PAXBP1: variants seen among roughly 807,000 people sequenced by gnomAD.
PAXBP1 encodes the protein PAX3 and PAX7 binding protein 1.
In PAXBP1, 44 loss-of-function variants were observed where a neutral mutation model predicts 119.9. That is an observed-to-expected ratio of 0.37 (90% confidence interval 0.29 to 0.47). The LOEUF (loss-of-function observed/expected upper bound fraction) is 0.47. Ranked by LOEUF, PAXBP1 falls within the 20% of genes least tolerant of loss-of-function variation. The pLI is 0.99. For missense variants in PAXBP1, 898 were observed against 1,134.1 expected, an observed-to-expected ratio of 0.79 and a Z score of 2.99; for synonymous variants, 393 against 406.6, an observed-to-expected ratio of 0.97 and a Z score of 0.40.
At position 32,738,288 on chromosome 21, in the gene PAXBP1, A is replaced by G; in HGVS notation, c.2366T>C (p.Ile789Thr). 1 of 1,595,070 alleles carries G rather than the reference A, an allele frequency of 6.3e-7. No homozygotes were observed. Among genetic ancestry groups the G allele is most frequent in the Non-Finnish European group, 8.5e-7 (1 of 1,175,574 alleles). ...LLGNFLQWYG[I>T]FSNKTLQELS... The stretch of plus-strand genomic sequence containing the variant: ...CTCTTGCAGAGTTTTATTTGAGAAA[A>G]TGCCATACCACTGAAGAAAATTGCC... Residue 789 changes from isoleucine to threonine, a missense_variant, in exon 16 of 18, where the codon ATT (isoleucine) becomes ACT (threonine). Physicochemically the swap from Ile to Thr is moderately conservative, Grantham distance 89 (BLOSUM62 -1). This residue lies in a region of PAXBP1 where 599 missense variants were observed against 852.7 expected (regional missense o/e 0.70). Coordinates refer to ENST00000331923, the MANE Select transcript of PAXBP1 (RefSeq NM_016631.4).
chr21:32,742,979 C>T, intron 15 of PAXBP1: 1 of 562,406 alleles, frequency 1.8e-6, no homozygotes, highest in Non-Finnish European at 3.5e-6. Context: ...CTACTGTAGT[C>T]TACTTGCTGA....
At chr21:32,749,135 T>G (rs146190041) in intron 10 of PAXBP1, among the ~76,000 whole-genome samples, 310 of 152,246 alleles carry the variant, frequency 2.0e-3, no homozygotes, top group African/African-American at 7.2e-3. Flanking sequence ...ATAACTGACA[T>G]AGCCAACTAT....
At chr21:32,738,497 A>G (rs533435413) in intron 15 of PAXBP1, among the ~76,000 whole-genome samples, 178 bp from the exon 16 acceptor site, 150 of 152,348 alleles carry the variant, frequency 9.8e-4, no homozygotes, top group Non-Finnish European at 1.9e-3. Flanking sequence ...TGAATATTCA[A>G]TTTTAATTAG....
At chr21:32,739,992 C>T (rs2043757120) in intron 15 of PAXBP1, among the ~76,000 whole-genome samples, 1 of 137,496 alleles carries the variant, frequency 7.3e-6, no homozygotes, top group Non-Finnish European at 1.6e-5. Flanking sequence ...TTACCTTAAA[C>T]CCTTCCATGA....
chr21:32,761,289 G>C, intron 4 of PAXBP1, 127 bp from the exon 5 acceptor site: 1 of 721,360 alleles, frequency 1.4e-6, no homozygotes, highest in Admixed American at 2.3e-5. Context: ...TGTCTAATAT[G>C]ATCTCCTCTC....
At chr21:32,749,344 G>A (rs1395104862) in intron 10 of PAXBP1, among the ~76,000 whole-genome samples, 6 of 151,862 alleles carry the variant, frequency 4.0e-5, no homozygotes, top group African/African-American at 9.7e-5. Flanking sequence ...ACAGGTATGC[G>A]CCACCATGCC....
At chr21:32,747,514 G>T (rs2043892487) in intron 11 of PAXBP1, among the ~76,000 whole-genome samples, 1 of 152,174 alleles carries the variant, frequency 6.6e-6, no homozygotes, top group African/African-American at 2.4e-5. Context: ...ACTTCAGAAG[G>T]TCTGGCCAAG....
At chr21:32,769,982 T>C (rs1358748656) in intron 1 of PAXBP1, 40 bp from the exon 2 acceptor site, 4 of 1,430,380 alleles carry the variant, frequency 2.8e-6, no homozygotes, top group Non-Finnish European at 3.8e-6. Context: ...GCAACTATTT[T>C]CTGAAAATAT....
At chr21:32,753,286 G>A (rs542604622) in intron 8 of PAXBP1, among the ~76,000 whole-genome samples, 33 of 151,884 alleles carry the variant, frequency 2.2e-4, no homozygotes, top group Non-Finnish European at 3.7e-4. Flanking sequence ...GTGAAACCCC[G>A]TCTCTACTAA....
rs1227106916 is a variant in PAXBP1, at chr21:32,748,577, A to G, written c.1845T>C (p.Asp615=). 13 of 1,614,102 alleles carry G rather than the reference A, an allele frequency of 8.1e-6. No individual in the cohort carries two copies. Among genetic ancestry groups the G allele is most frequent in the Non-Finnish European group, 1.1e-5 (13 of 1,179,944 alleles). Residue 615 remains aspartate, a synonymous_variant, in exon 11 of 18, where the codon GAT becomes GAC. Coordinates refer to ENST00000331923, the MANE Select transcript of PAXBP1 (RefSeq NM_016631.4). ...WRSKYYTSYK[D]AYIGLCLPKL... Reference sequence around the variant, plus strand: ...TTGGCAAACAAAGGCCAATGTAAGCATCTTTGTAGGATGTGTAGTATTTTG... The same window carrying G: ...TTGGCAAACAAAGGCCAATGTAAGCGTCTTTGTAGGATGTGTAGTATTTTG...
Position 32,771,400 on chromosome 21 carries a change from T to C in PAXBP1, c.269A>G (p.Lys90Arg). The C allele has an allele frequency of 1.3e-6, 2 of 1,559,874 alleles. No individual in the cohort carries two copies. Among genetic ancestry groups the C allele is most frequent in the Non-Finnish European group, 1.7e-6 (2 of 1,162,398 alleles). ...PGGAEPGNGL[K>R]PRKRPRENKE... ...GTTCTCGCGAGGCCTCTTGCGCGGC[T>C]TCAGCCCGTTGCCGGGCTCCGCGCC... Residue 90 changes from lysine (K) to arginine (R), a missense_variant, in exon 1 of 18, where the codon AAG (lysine) becomes AGG (arginine). Coordinates refer to ENST00000331923, the MANE Select transcript of PAXBP1 (RefSeq NM_016631.4).
chr21:32,739,610 T>C lies in PAXBP1; in HGVS notation c.2335-1291A>G, dbSNP rs80210501. Among the ~76,000 whole-genome samples the C allele has an allele frequency of 2.2e-3, 333 of 152,274 alleles. 6 individuals carry two copies. The highest frequency in any genetic ancestry group is 0.019 in the South Asian group (91 of 4,820). The stretch of plus-strand genomic sequence containing the variant: ...GAGTAATCTTAAAAATGGTAATTTA[T>C]AGACCTGTGGTTACGGCCGGGCGCG... On this transcript the variant is annotated intron_variant, in intron 15 of 17. Coordinates refer to ENST00000331923, the MANE Select transcript of PAXBP1 (RefSeq NM_016631.4).
chr21:32,753,437 A>AC lies in PAXBP1; in HGVS notation c.1507+1792_1507+1793insG, dbSNP rs966926808. Among the ~76,000 whole-genome samples the AC allele has an allele frequency of 9.2e-5, 14 of 151,658 alleles. 1 individual carries two copies. The highest frequency in any genetic ancestry group is 2.0e-4 in the Admixed American group (3 of 15,250). Reference sequence around the variant, plus strand: ...CGAGACTCCGTCTCAAAAAAAAAAAAAAAAAAAAAACATTATACTTAAAAC... The same window carrying AC: ...CGAGACTCCGTCTCAAAAAAAAAAAACAAAAAAAAAACATTATACTTAAAAC... On this transcript the variant is annotated intron_variant, in intron 8 of 17. Coordinates refer to ENST00000331923, the MANE Select transcript of PAXBP1 (RefSeq NM_016631.4).
intron 3 of PAXBP1, among the ~76,000 whole-genome samples, chr21:32,762,740 G>A (rs1296742057): frequency 6.6e-6 from 1 of 151,692 alleles, no homozygotes; most frequent in Non-Finnish European, 1.5e-5. Context: ...CCAACATGGT[G>A]AAACCCCATC....
At position 32,755,144 on chromosome 21, in the gene PAXBP1, G is replaced by C. The variant is rs76939952; in HGVS notation, c.1507+86C>G. 3.6e-6 allele frequency: 4 copies of C among 1,119,274 alleles called. No individual in the cohort carries two copies. In the African/African-American group the frequency reaches 7.1e-5, roughly 20 times the overall value. 69.3% of individuals were successfully genotyped at this position (1,119,274 alleles called of 1,614,324 possible). On this transcript the variant is annotated intron_variant, in intron 8 of 17. Coordinates refer to ENST00000331923, the MANE Select transcript of PAXBP1 (RefSeq NM_016631.4). ...TGTTTCTTTAAAAAAAAAAAAAAAA[G>C]CTCCAAGATCTCTAATTTTCAATTA...
intron 3 of PAXBP1, 70 bp from the exon 4 acceptor site, chr21:32,762,387 G>T: frequency 6.6e-7 from 1 of 1,517,782 alleles, no homozygotes; most frequent in Non-Finnish European, 8.8e-7. Context: ...AAATATGAAG[G>T]GTAAAATAAT....
Position 32,760,011 on chromosome 21 carries a change from A to G in PAXBP1, c.976-17T>C. The G allele has an allele frequency of 6.3e-7, 1 of 1,583,232 alleles. No homozygotes were observed. Among genetic ancestry groups the G allele is most frequent in the South Asian group, 1.1e-5 (1 of 88,952 alleles). ...GGCTTGAACCTAGAAAAGAAATGGG[A>G]TATAGATGAAATCTGGTAGTTAAAA... On this transcript the variant is annotated splice_polypyrimidine_tract_variant and intron_variant, in intron 5 of 17. Coordinates refer to ENST00000331923, the MANE Select transcript of PAXBP1 (RefSeq NM_016631.4).
At chr21:32,750,260 A>G (rs1270608040) in intron 10 of PAXBP1, among the ~76,000 whole-genome samples, 3 of 152,222 alleles carry the variant, frequency 2.0e-5, no homozygotes, top group African/African-American at 4.8e-5. Flanking sequence ...CTCCTTGTAT[A>G]AAGAGCCAGG....
At chr21:32,770,591 A>C (rs1428828690) in intron 1 of PAXBP1, among the ~76,000 whole-genome samples, 1 of 152,228 alleles carries the variant, frequency 6.6e-6, no homozygotes, top group Non-Finnish European at 1.5e-5. Flanking sequence ...ACATGGAATT[A>C]ACTGGGTTAT....
Sources: allele counts gnomAD v4.1 joint callset (sites outside exome capture counted in the v4.1 genomes callset), GRCh38; gene constraint gnomAD v4.1.1; regional missense constraint gnomAD v4.1.1; transcripts MANE v1.5; gene names NCBI Gene and HGNC (gene_info 2026-07-23, HGNC 2026-07-21).